EPM2A: variants seen among roughly 807,000 people sequenced by gnomAD.
EPM2A encodes the protein EPM2A glucan phosphatase, laforin, also known as laforin.
A neutral mutation model predicts 26.5 loss-of-function variants in EPM2A; 21 were observed. That is an observed-to-expected ratio of 0.79 (90% CI 0.56 to 1.14). The LOEUF (loss-of-function observed/expected upper bound fraction) is 1.14, where lower values mean the gene tolerates loss of function less well. Ranked by LOEUF, EPM2A falls within the 50% of genes most tolerant of loss-of-function variation. EPM2A has a pLI of 0.00. For synonymous variants in EPM2A, 217 were observed against 177.6 expected, an observed-to-expected ratio of 1.22 and a Z score of -1.76; for missense variants, 458 against 440.8, an observed-to-expected ratio of 1.04 and a Z score of -0.35.
At chr6:145,537,405 T>C (rs1456958596) in intron 2 of EPM2A, among the ~76,000 whole-genome samples, 1 of 152,174 alleles carries the variant, frequency 6.6e-6, no homozygotes, top group Non-Finnish European at 1.5e-5. Flanking sequence ...TAGACACAAA[T>C]ACTCTGATAA....
At chr6:145,572,565 T>A (rs540281744) in intron 2 of EPM2A, among the ~76,000 whole-genome samples, 2 of 152,286 alleles carry the variant, frequency 1.3e-5, no homozygotes, top group East Asian at 3.9e-4. Flanking sequence ...AATGTTCAGT[T>A]TCCACCAAAG....
At chr6:145,623,989 T>C (rs980612293), downstream of EPM2A, among the ~76,000 whole-genome samples, 3 of 152,202 alleles carry the variant, frequency 2.0e-5, no homozygotes, top group Non-Finnish European at 4.4e-5. Flanking sequence ...AGCAACGACT[T>C]AGAGAAGCAA....
At chr6:145,597,075 T>C (rs2128549212) in intron 2 of EPM2A, among the ~76,000 whole-genome samples, 1 of 151,382 alleles carries the variant, frequency 6.6e-6, no homozygotes, top group Non-Finnish European at 1.5e-5. Flanking sequence ...TTTGTATTTT[T>C]AGTAGAGACG....
intron 4 of EPM2A, among the ~76,000 whole-genome samples, chr6:145,492,848 A>G (rs994043946): frequency 6.6e-6 from 1 of 152,176 alleles, no homozygotes; most frequent in Non-Finnish European, 1.5e-5. Flanking sequence ...TTATGGGCAC[A>G]GGATTGGGGG....
At chr6:145,489,054 T>C (rs1434033041) in intron 4 of EPM2A, among the ~76,000 whole-genome samples, 1 of 152,188 alleles carries the variant, frequency 6.6e-6, no homozygotes, top group African/African-American at 2.4e-5. Context: ...TGGATTTTCT[T>C]TTCTTAACAT....
intron 2 of EPM2A, among the ~76,000 whole-genome samples, chr6:145,675,249 A>T (rs1348129633): frequency 6.6e-6 from 1 of 152,256 alleles, no homozygotes; most frequent in African/African-American, 2.4e-5. Context: ...AGATTTTGTC[A>T]TCACAAGGCC....
intron 2 of EPM2A, among the ~76,000 whole-genome samples, chr6:145,585,226 A>C (rs577174724): frequency 2.0e-5 from 3 of 151,756 alleles, no homozygotes; most frequent in Non-Finnish European, 4.4e-5. Flanking sequence ...TGTTTTGTTT[A>C]TGTTCATTTT....
At chr6:145,645,041 T>A (rs1024671508) in intron 2 of EPM2A, among the ~76,000 whole-genome samples, 1 of 152,218 alleles carries the variant, frequency 6.6e-6, no homozygotes, top group Non-Finnish European at 1.5e-5. Flanking sequence ...AGTTGGTATA[T>A]CTCAAACAAC....
chr6:145,567,550 AAC>A (rs1232512551), intron 2 of EPM2A, among the ~76,000 whole-genome samples: 12 of 152,258 alleles, frequency 7.9e-5, no homozygotes, highest in African/African-American at 2.9e-4. Context: ...CAAGTGTACC[AAC>A]ACATGTGCTC....
At chr6:145,541,970 C>T (rs1219760006) in intron 2 of EPM2A, among the ~76,000 whole-genome samples, 1 of 149,414 alleles carries the variant, frequency 6.7e-6, no homozygotes, top group Admixed American at 6.7e-5. Context: ...GGAGATGATG[C>T]TTAAAAAAAA....
intron 2 of EPM2A, among the ~76,000 whole-genome samples, chr6:145,676,473 A>T (rs1366854929): frequency 6.6e-6 from 1 of 152,182 alleles, no homozygotes; most frequent in Non-Finnish European, 1.5e-5. Context: ...CTTCAAAAAA[A>T]TCAATGAATC....
rs370994302 is a variant in EPM2A at position 145,634,942 on chromosome 6, C to T, written c.718+303G>A. On this transcript the variant is annotated intron_variant, in intron 3 of 3. Coordinates refer to ENST00000367519, the MANE Select transcript of EPM2A (RefSeq NM_005670.4). ...CATTTGCCATCCCTATAGGACAATGCGCTCCGTGGGGGCAGAAGTTGTGCC... is the reference window on the plus strand; with the variant it reads ...CATTTGCCATCCCTATAGGACAATGTGCTCCGTGGGGGCAGAAGTTGTGCC... The T allele has an allele frequency of 3.3e-5, 10 of 307,050 alleles. No individual in the cohort carries two copies. In the East Asian group the frequency reaches 5.5e-4, roughly 17 times the overall value. 19.0% of individuals were successfully genotyped at this position (307,050 alleles called of 1,614,324 possible). A position where few individuals can be genotyped will look rare whatever the true frequency, so the allele number is the denominator to read the frequency against.
intron 2 of EPM2A, among the ~76,000 whole-genome samples, chr6:145,576,078 C>T (rs1781027223): frequency 6.6e-6 from 1 of 152,158 alleles, no homozygotes; most frequent in Non-Finnish European, 1.5e-5. Context: ...TCAGGTGATC[C>T]ACCCACCTTG....
intron 4 of EPM2A, among the ~76,000 whole-genome samples, chr6:145,426,246 A>G (rs1778853337): frequency 6.6e-6 from 1 of 152,136 alleles, no homozygotes; most frequent in Non-Finnish European, 1.5e-5. Flanking sequence ...TGTCCTTTCC[A>G]TTAGAATCAT....
At chr6:145,492,446 C>T (rs1779767672) in intron 4 of EPM2A, among the ~76,000 whole-genome samples, 1 of 152,162 alleles carries the variant, frequency 6.6e-6, no homozygotes, top group African/African-American at 2.4e-5. Context: ...AGCTTAACAG[C>T]TCAGTGGGGC....
rs1780891894 is a variant in EPM2A, at chr6:145,686,150, C to A, written c.448G>T (p.Ala150Ser). The A allele has an allele frequency of 5.0e-6, 8 of 1,613,890 alleles. No individual in the cohort carries two copies. Among genetic ancestry groups the A allele is most frequent in the Non-Finnish European group, 5.9e-6 (7 of 1,179,876 alleles). Reference sequence around the variant, plus strand: ...GAATAATGCATGGCTTGGTGGCCTGCAATATTAAAATAGAAGTCTGTTGTG... The same window carrying A: ...GAATAATGCATGGCTTGGTGGCCTGAAATATTAAAATAGAAGTCTGTTGTG... ...KHTTDFYFNIAGHQAMHYSRI... is the reference protein window; with the variant it reads ...KHTTDFYFNISGHQAMHYSRI... The change falls in exon 2 of 4, where the codon GCA becomes TCA. Residue 150 changes from alanine (A) to serine (S), a missense_variant. Physicochemically the swap from Ala to Ser is moderately conservative, Grantham distance 99 (BLOSUM62 1). Transcript: ENST00000367519.
intron 2 of EPM2A, chr6:145,639,848 T>G (rs1776960323): frequency 6.6e-6 from 1 of 152,218 alleles, no homozygotes; most frequent in Non-Finnish European, 1.5e-5. Context: ...AAGAATGTAC[T>G]TTTGTAGAAA....
intron 2 of EPM2A, among the ~76,000 whole-genome samples, chr6:145,579,546 A>G (rs1257367906): frequency 1.3e-5 from 2 of 152,204 alleles, no homozygotes; most frequent in African/African-American, 2.4e-5. Context: ...CAATGATAGC[A>G]TGGTGTAAAT....
At chr6:145,701,989 T>C (rs1781939035) in intron 1 of EPM2A, among the ~76,000 whole-genome samples, 1 of 152,198 alleles carries the variant, frequency 6.6e-6, no homozygotes, top group South Asian at 2.1e-4. Flanking sequence ...ACCTCTTCGC[T>C]ATAACACAGA....
Sources: allele counts gnomAD v4.1 joint callset (sites outside exome capture counted in the v4.1 genomes callset), GRCh38; gene constraint gnomAD v4.1.1; transcripts MANE v1.5; gene names NCBI Gene and HGNC (gene_info 2026-07-23, HGNC 2026-07-21).